Variants in PTPRD observed in about 807,000 individuals in gnomAD.
PTPRD encodes the protein receptor-type tyrosine-protein phosphatase delta.
In PTPRD, 34 loss-of-function variants were observed where a neutral mutation model predicts 214.5. The ratio of observed to expected loss-of-function variants is 0.16; its 90% CI spans 0.12 to 0.21. PTPRD has a LOEUF of 0.21. Among genes scored for constraint, PTPRD ranks in the 10% least tolerant of loss-of-function variants. The pLI is 1.00. For missense variants in PTPRD, 2,545 were observed against 2,398.7 expected, an observed-to-expected ratio of 1.06 and a Z score of -1.27; for synonymous variants, 1,128 against 845.7, an observed-to-expected ratio of 1.33 and a Z score of -5.79.
intron 21 of PTPRD, among the ~76,000 whole-genome samples, chr9:8,508,857 G>C (rs1379748685): frequency 6.7e-6 from 1 of 150,350 alleles, no homozygotes; most frequent in African/African-American, 2.5e-5. Context: ...CCTCTGGTAA[G>C]TCAGCCTGTG....
intron 2 of PTPRD, among the ~76,000 whole-genome samples, chr9:10,347,602 G>A (rs1398281949): frequency 6.6e-6 from 1 of 151,396 alleles, no homozygotes; most frequent in Non-Finnish European, 1.5e-5. Context: ...GTAGAGACGG[G>A]GTTTCTCCAT....
Position 9,014,189 on chromosome 9 carries a change from TTGTTTG to T in PTPRD, c.-104+4502_-104+4507del, listed in dbSNP as rs774911729. Among the ~76,000 whole-genome samples, 258 of 103,318 alleles carry T rather than the reference TTGTTTG, an allele frequency of 2.5e-3. 4 individuals are homozygous for T. The highest frequency in any genetic ancestry group is 8.6e-3 in the African/African-American group (245 of 28,560). 67.8% of individuals were successfully genotyped at this position (103,318 alleles called of 152,430 possible). ...ATGCTATTACCTCGTTTTTTTTTGTTTGTTTGTTTGTTTTTTTTTTTTTTCTGGAAG... is the reference window on the plus strand; with the variant it reads ...ATGCTATTACCTCGTTTTTTTTTGTTTTTGTTTTTTTTTTTTTTCTGGAAG... On this transcript the variant is annotated intron_variant, in intron 11 of 45. Transcript: ENST00000381196.
chr9:9,804,267 A>T (rs1401147034), intron 5 of PTPRD, among the ~76,000 whole-genome samples: 1 of 152,102 alleles, frequency 6.6e-6, no homozygotes, highest in Non-Finnish European at 1.5e-5. Context: ...ATCATGCAAT[A>T]TTTCATAAAA....
chr9:10,456,873 T>A (rs911543213), intron 2 of PTPRD, among the ~76,000 whole-genome samples: 9 of 151,866 alleles, frequency 5.9e-5, no homozygotes, highest in Non-Finnish European at 1.0e-4. Context: ...CTGCCCCCAA[T>A]TCATGAACAG....
intron 7 of PTPRD, among the ~76,000 whole-genome samples, chr9:9,633,270 C>T (rs77535497): frequency 2.1e-4 from 32 of 151,802 alleles, no homozygotes; most frequent in African/African-American, 7.5e-4. Context: ...ATTCCACACT[C>T]CAGCCTGGGA....
chr9:9,014,274 C>A (rs613613), intron 11 of PTPRD, among the ~76,000 whole-genome samples: 1 of 149,902 alleles, frequency 6.7e-6, no homozygotes. Flanking sequence ...AACTTCTCCA[C>A]GATCTTTCAT....
intron 9 of PTPRD, among the ~76,000 whole-genome samples, chr9:9,299,438 T>A (rs571174096): frequency 6.6e-6 from 1 of 151,656 alleles, no homozygotes; most frequent in South Asian, 2.1e-4. Context: ...TAACAAAGAT[T>A]TTTCCAGTGC....
intron 2 of PTPRD, among the ~76,000 whole-genome samples, chr9:10,430,129 C>G (rs933431708): frequency 6.6e-6 from 1 of 151,864 alleles, no homozygotes; most frequent in African/African-American, 2.4e-5. Context: ...TCATGTATTT[C>G]CCTCCATAAG....
At chr9:10,211,413 GGT>G (rs905177829) in intron 3 of PTPRD, among the ~76,000 whole-genome samples, 17 of 152,100 alleles carry the variant, frequency 1.1e-4, no homozygotes, top group African/African-American at 3.4e-4. Flanking sequence ...ATATTTAGAT[GGT>G]CACCTTGCAC....
At chr9:10,532,618 G>T (rs956112760) in intron 2 of PTPRD, among the ~76,000 whole-genome samples, 2 of 146,480 alleles carry the variant, frequency 1.4e-5, no homozygotes, top group East Asian at 2.0e-4. Flanking sequence ...ATATATATTA[G>T]ATATTTATAT....
At chr9:9,965,436 G>C (rs1241988911) in intron 4 of PTPRD, among the ~76,000 whole-genome samples, 1 of 152,164 alleles carries the variant, frequency 6.6e-6, no homozygotes, top group Non-Finnish European at 1.5e-5. Flanking sequence ...GAACATCTCA[G>C]GATGGGCTTA....
At chr9:9,660,384 T>C (rs2096599967) in intron 7 of PTPRD, among the ~76,000 whole-genome samples, 1 of 152,076 alleles carries the variant, frequency 6.6e-6, no homozygotes, top group South Asian at 2.1e-4. Flanking sequence ...TACCTTATTT[T>C]AGCTACAGCC....
chr9:9,052,683 G>A (rs1007673391), intron 10 of PTPRD, among the ~76,000 whole-genome samples: 1 of 152,150 alleles, frequency 6.6e-6, no homozygotes, highest in Admixed American at 6.5e-5. Context: ...AAAGGCAATT[G>A]TTGATGTTCC....
chr9:9,283,014 G>C (rs1021172854), intron 9 of PTPRD, among the ~76,000 whole-genome samples: 3 of 151,434 alleles, frequency 2.0e-5, no homozygotes, highest in African/African-American at 7.3e-5. Flanking sequence ...CTCTTATCTT[G>C]AGGTCAGAAT....
At position 9,328,618 on chromosome 9, in the gene PTPRD, C is replaced by CTTTTTTTTTTTTTTTT. The variant is rs869076374; in HGVS notation, c.-203+68815_-203+68830dup. ...ACATTTTCTTTTGTTGTTGTTCTTG[C>CTTTTTTTTTTTTTTTT]TTTTTTTTTTTTTTTTTTTTTTTTT... On this transcript the variant is annotated intron_variant, in intron 9 of 45. Coordinates refer to ENST00000381196, the MANE Select transcript of PTPRD (RefSeq NM_002839.4). Among the ~76,000 whole-genome samples the CTTTTTTTTTTTTTTTT allele has an allele frequency of 3.2e-4, 9 of 28,230 alleles. 3 individuals carry two copies. Among genetic ancestry groups the CTTTTTTTTTTTTTTTT allele is most frequent in the African/African-American group, 1.0e-3 (8 of 7,926 alleles). The allele number at this position is 28,230 out of a possible 152,430, so 18.5% of individuals were successfully genotyped here.
In PTPRD at chr9:8,694,481, T is replaced by C. The variant is rs184275752; in HGVS notation, c.64+39299A>G. Among the ~76,000 whole-genome samples, 689 of 152,304 alleles carry C rather than the reference T, an allele frequency of 4.5e-3. 1 individual carries two copies. The highest frequency in any genetic ancestry group is 0.015 in the African/African-American group (630 of 41,568). On this transcript the variant is annotated intron_variant, in intron 12 of 45. Coordinates refer to ENST00000381196, the MANE Select transcript of PTPRD (RefSeq NM_002839.4). ...ACTGAAATAGAAATGTTCAGGGATT[T>C]GGTATTTTCCATAGAAAAGTTAAAT...
At chr9:10,401,606 G>T (rs1201644833) in intron 2 of PTPRD, among the ~76,000 whole-genome samples, 3 of 146,662 alleles carry the variant, frequency 2.0e-5, no homozygotes, top group African/African-American at 7.4e-5. Flanking sequence ...GTATGTCTGT[G>T]ATATAACAGT....
At chr9:10,510,215 T>A (rs2047524605) in intron 2 of PTPRD, among the ~76,000 whole-genome samples, 1 of 152,112 alleles carries the variant, frequency 6.6e-6, no homozygotes, top group South Asian at 2.1e-4. Flanking sequence ...CCCATACCAC[T>A]CAGTATGGGT....
In PTPRD at chr9:9,055,777, ACTAT is replaced by A. The variant is rs893037291; in HGVS notation, c.-142-37046_-142-37043del. 4.8e-4 allele frequency among the ~76,000 whole-genome samples: 72 copies of A among 150,008 alleles called. 2 individuals carry two copies. The highest frequency in any genetic ancestry group is 2.4e-4 in the Non-Finnish European group (16 of 67,576). On this transcript the variant is annotated intron_variant, in intron 10 of 45. Coordinates refer to ENST00000381196, the MANE Select transcript of PTPRD (RefSeq NM_002839.4). ...AACTAACAATATATAAATGCAACAT[ACTAT>A]CTATTAATATATTTTATATTTAACT... is the stretch of plus-strand genomic sequence containing the variant.
Sources: allele counts gnomAD v4.1 joint callset (sites outside exome capture counted in the v4.1 genomes callset), GRCh38; gene constraint gnomAD v4.1.1; transcripts MANE v1.5; gene names NCBI Gene and HGNC (gene_info 2026-07-23, HGNC 2026-07-21).